The following CNST variants were observed in gnomAD, a reference collection of about 807,000 sequenced individuals.
CNST encodes consortin.
A neutral mutation model predicts 72.4 loss-of-function variants in CNST; 39 were observed. That is an observed-to-expected ratio of 0.54 (90% CI 0.42 to 0.70). The LOEUF (loss-of-function observed/expected upper bound fraction) is 0.70, where lower values mean the gene tolerates loss of function less well. CNST is among the 30% of genes least tolerant of loss of function. The probability of loss-of-function intolerance (pLI) is 0.00; values close to 1 mark genes in which losing one functional copy is unlikely to be tolerated. For synonymous variants in CNST, 332 were observed against 320.1 expected, an observed-to-expected ratio of 1.04 and a Z score of -0.40; for missense variants, 871 against 868.5, an observed-to-expected ratio of 1.00 and a Z score of -0.04.
intron 10 of CNST, among the ~76,000 whole-genome samples, chr1:246,661,617 G>A (rs1667110360): frequency 6.6e-6 from 1 of 152,214 alleles, no homozygotes; most frequent in South Asian, 2.1e-4. Flanking sequence ...ATGAGGTGGT[G>A]AGTTTTGTAG....
At chr1:246,650,323 A>G (rs550620221) in intron 9 of CNST, among the ~76,000 whole-genome samples, 1 of 152,268 alleles carries the variant, frequency 6.6e-6, no homozygotes, top group Admixed American at 6.5e-5. Context: ...TGATCTATTA[A>G]GTTAAGCTAT....
intron 1 of CNST, among the ~76,000 whole-genome samples, chr1:246,587,655 A>G (rs1377111183): frequency 6.6e-6 from 1 of 152,256 alleles, no homozygotes; most frequent in Non-Finnish European, 1.5e-5. Context: ...ATATCTGTGC[A>G]TAAGAGAAGG....
intron 1 of CNST, among the ~76,000 whole-genome samples, chr1:246,590,777 T>C (rs1226856506): frequency 6.6e-6 from 1 of 151,780 alleles, no homozygotes; most frequent in African/African-American, 2.4e-5. Flanking sequence ...TTGTAAATTT[T>C]AAAAATATTA....
intron 1 of CNST, chr1:246,570,067 CA>C (rs1659968418): frequency 1.7e-5 from 4 of 238,822 alleles, no homozygotes; most frequent in Non-Finnish European, 2.7e-5. Context: ...AATCTTTGAG[CA>C]AAATTTAGAA....
At chr1:246,627,413 C>T (rs183405837) in intron 3 of CNST, among the ~76,000 whole-genome samples, 1 of 152,298 alleles carries the variant, frequency 6.6e-6, no homozygotes, top group African/African-American at 2.4e-5. Context: ...ACTTCAGGTC[C>T]TCTGGTATCT....
chr1:246,612,367 A>G (rs564662156), intron 2 of CNST, among the ~76,000 whole-genome samples: 82 of 151,888 alleles, frequency 5.4e-4, no homozygotes, highest in African/African-American at 1.8e-3. Context: ...ACGCCGAGCT[A>G]ATTTTTTGTA....
intron 9 of CNST, among the ~76,000 whole-genome samples, chr1:246,652,957 TTG>T (rs1267065352): frequency 3.6e-4 from 55 of 151,432 alleles, no homozygotes; most frequent in African/African-American, 1.1e-3. Context: ...TGAGCCGAGA[TTG>T]CACCACTGCA....
In CNST at chr1:246,591,667, A is replaced by G. The variant is rs758704367; in HGVS notation, c.105A>G (p.Ala35=). ...VERSVTCLPS[A]SDENENQLDG... ...GGAGTGTGACCTGTCTGCCTTCTGC[A>G]TCAGATGAAAATGAAAATCAGCTTG... is the stretch of plus-strand genomic sequence containing the variant. The change falls in exon 2 of 11, where the codon GCA becomes GCG. Residue 35 remains alanine (A), a synonymous_variant. Coordinates refer to ENST00000366513, the MANE Select transcript of CNST (RefSeq NM_152609.3). 1 of 1,614,220 alleles carries G rather than the reference A, an allele frequency of 6.2e-7. No homozygotes were observed. Among genetic ancestry groups the G allele is most frequent in the East Asian group, 2.2e-5 (1 of 44,886 alleles).
chr1:246,578,164 TCTC>T (rs1264764574), intron 1 of CNST, among the ~76,000 whole-genome samples: 10 of 152,118 alleles, frequency 6.6e-5, no homozygotes, highest in African/African-American at 2.4e-4. Flanking sequence ...ATGGGCACAT[TCTC>T]CTGCTGCAAG....
intron 2 of CNST, chr1:246,607,109 T>A (rs1444843108): frequency 1.3e-5 from 2 of 152,202 alleles, no homozygotes; most frequent in African/African-American, 4.8e-5. Flanking sequence ...TAGGGTTTGG[T>A]GACGGGCTTT....
intron 3 of CNST, among the ~76,000 whole-genome samples, chr1:246,628,183 G>T (rs1664562453): frequency 6.6e-6 from 1 of 152,116 alleles, no homozygotes; most frequent in Non-Finnish European, 1.5e-5. Flanking sequence ...CAGTTTAAAA[G>T]GGGGTCTGCC....
At chr1:246,572,998 G>A (rs1376364221) in intron 1 of CNST, among the ~76,000 whole-genome samples, 4 of 152,074 alleles carry the variant, frequency 2.6e-5, no homozygotes, top group Non-Finnish European at 2.9e-5. Context: ...CTCCCTCAGC[G>A]TCAACTCACA....
chr1:246,607,530 G>C (rs1039671118), intron 2 of CNST: 3 of 154,210 alleles, frequency 1.9e-5, no homozygotes, highest in Non-Finnish European at 2.9e-5. Flanking sequence ...AAGAGCGCCT[G>C]GGTGCAGACG....
Position 246,592,575 on chromosome 1 carries a change from C to T in CNST, c.379+634C>T, listed in dbSNP as rs1309116485. 7.9e-5 allele frequency among the ~76,000 whole-genome samples: 12 copies of T among 152,148 alleles called. 1 individual carries two copies. The highest frequency in any genetic ancestry group is 1.8e-4 in the Non-Finnish European group (12 of 68,028). ...CTTTAAATATATGCAGCCTCCTCTCCCTCCTTTATAAATTAGACCATTTTC... is the reference window on the plus strand; with the variant it reads ...CTTTAAATATATGCAGCCTCCTCTCTCTCCTTTATAAATTAGACCATTTTC... On this transcript the variant is annotated intron_variant, in intron 2 of 10. Transcript: ENST00000366513.
At chr1:246,649,585 T>C (rs1356947797) in intron 9 of CNST, among the ~76,000 whole-genome samples, 1 of 152,068 alleles carries the variant, frequency 6.6e-6, no homozygotes, top group Non-Finnish European at 1.5e-5. Flanking sequence ...ACCCATGTGG[T>C]CTAATTTTAC....
intron 2 of CNST, among the ~76,000 whole-genome samples, chr1:246,617,678 C>T (rs1346093468): frequency 6.6e-6 from 1 of 152,178 alleles, no homozygotes; most frequent in Non-Finnish European, 1.5e-5. Context: ...GCCTTAATAT[C>T]CATGTCATTC....
intron 2 of CNST, chr1:246,606,633 G>A (rs1558551670): frequency 6.6e-6 from 1 of 151,058 alleles, no homozygotes; most frequent in East Asian, 1.9e-4. Flanking sequence ...ATGTGGGAGT[G>A]CGATAACCCC....
At chr1:246,612,390 A>G (rs1286178442) in intron 2 of CNST, among the ~76,000 whole-genome samples, 1 of 152,050 alleles carries the variant, frequency 6.6e-6, no homozygotes, top group African/African-American at 2.4e-5. Flanking sequence ...TTTAGTAGAG[A>G]CGGAGTTTCG....
chr1:246,638,329 G>A (rs146753105), intron 6 of CNST, among the ~76,000 whole-genome samples: 166 of 152,282 alleles, frequency 1.1e-3, no homozygotes, highest in Admixed American at 2.2e-3. Flanking sequence ...TTGTTTGGCC[G>A]CCTGATCTGC....
Sources: allele counts gnomAD v4.1 joint callset (sites outside exome capture counted in the v4.1 genomes callset), GRCh38; gene constraint gnomAD v4.1.1; transcripts MANE v1.5; gene names NCBI Gene and HGNC (gene_info 2026-07-23, HGNC 2026-07-21).